Variants in SAMD5 observed in about 807,000 individuals in gnomAD.
SAMD5 encodes the protein sterile alpha motif domain containing 5, also known as sterile alpha motif domain-containing protein 5.
SAMD5 carries 13 observed loss-of-function variants against 11.3 expected under a neutral mutation model. That is an observed-to-expected ratio of 1.15 (90% CI 0.75 to 1.83). The LOEUF (loss-of-function observed/expected upper bound fraction) is 1.83, where lower values mean the gene tolerates loss of function less well. Ranked by LOEUF, SAMD5 falls within the 40% of genes most tolerant of loss-of-function variation. The pLI is 0.00. For missense variants in SAMD5, 255 were observed against 239.1 expected, an observed-to-expected ratio of 1.07 and a Z score of -0.44; for synonymous variants, 129 against 111.3, an observed-to-expected ratio of 1.16 and a Z score of -1.00.
intron 1 of SAMD5, among the ~76,000 whole-genome samples, chr6:147,694,574 T>C (rs1791149192): frequency 6.6e-6 from 1 of 151,918 alleles, no homozygotes; most frequent in African/African-American, 2.4e-5. Flanking sequence ...AATTCAACTT[T>C]GGGAGGCCAA....
At chr6:147,778,139 T>C in the SAMD5 span, among the ~76,000 whole-genome samples, 1 of 152,172 alleles carries the variant, frequency 6.6e-6, no homozygotes, top group African/African-American at 2.4e-5. Flanking sequence ...TTGTTATTTT[T>C]TTATAGTAGC....
At chr6:147,801,541 T>C in the SAMD5 span, among the ~76,000 whole-genome samples, 1 of 152,162 alleles carries the variant, frequency 6.6e-6, no homozygotes, top group Non-Finnish European at 1.5e-5. Context: ...AGGCTGCTCT[T>C]TGGGAGGACA....
chr6:147,924,373 A>G, the SAMD5 span, among the ~76,000 whole-genome samples: 1 of 152,168 alleles, frequency 6.6e-6, no homozygotes, highest in Non-Finnish European at 1.5e-5. Context: ...TATAGGGTGC[A>G]CTGAAGATAA....
the SAMD5 span, among the ~76,000 whole-genome samples, chr6:147,747,871 A>G: frequency 6.6e-6 from 1 of 152,194 alleles, no homozygotes; most frequent in East Asian, 1.9e-4. Context: ...TCATTTTCAA[A>G]TAGCTATTAA....
Position 147,524,563 on chromosome 6 carries a change from G to A in SAMD5, c.459+15176G>A, listed in dbSNP as rs114778656. On this transcript the variant is annotated intron_variant, in intron 1 of 1. Transcript: ENST00000367474. ...TGACTTCTTCTTCATTCAGCTATAT[G>A]TTAATTAGTCACAGTTATGTCTGCC... Among the ~76,000 whole-genome samples, 579 of 152,072 alleles carry A rather than the reference G, an allele frequency of 3.8e-3. 3 individuals carry two copies. The highest frequency in any genetic ancestry group is 0.013 in the African/African-American group (541 of 41,490).
intron 1 of SAMD5, among the ~76,000 whole-genome samples, chr6:147,581,027 T>A (rs1203496875): frequency 6.6e-6 from 1 of 152,172 alleles, no homozygotes; most frequent in Non-Finnish European, 1.5e-5. Flanking sequence ...TTGTCTCTTT[T>A]TCTCTTTTCT....
rs145763783 is a variant in SAMD5 at position 147,554,329 on chromosome 6, A to G, written c.460-10065A>G. 3.5e-3 allele frequency among the ~76,000 whole-genome samples: 530 copies of G among 152,280 alleles called. 3 individuals are homozygous for G. The highest frequency in any genetic ancestry group is 0.012 in the African/African-American group (509 of 41,550). ...TTTTGGGTGGGGACACAGCCAAACCATATCAACATGCAAATGTGCCTGGGA... is the reference window on the plus strand; with the variant it reads ...TTTTGGGTGGGGACACAGCCAAACCGTATCAACATGCAAATGTGCCTGGGA... On this transcript the variant is annotated intron_variant, in intron 1 of 1. Coordinates refer to ENST00000367474, the MANE Select transcript of SAMD5 (RefSeq NM_001030060.3).
At chr6:147,544,046 C>T (rs1268533783) in intron 1 of SAMD5, among the ~76,000 whole-genome samples, 1 of 152,110 alleles carries the variant, frequency 6.6e-6, no homozygotes, top group Non-Finnish European at 1.5e-5. Flanking sequence ...TAAAATACTT[C>T]CTAAGGTGGC....
At chr6:147,880,098 T>TA in the SAMD5 span, among the ~76,000 whole-genome samples, 1 of 152,200 alleles carries the variant, frequency 6.6e-6, no homozygotes, top group Admixed American at 6.5e-5. Context: ...TTAATCTTCA[T>TA]AAAAATCCTG....
the SAMD5 span, among the ~76,000 whole-genome samples, chr6:147,826,837 G>A: frequency 5.6e-4 from 86 of 152,254 alleles, 1 homozygote; most frequent in Non-Finnish European, 1.0e-3. Context: ...CATCAGGACC[G>A]TGCTCTTGTT....
chr6:147,819,532 T>TTGTCTAA, the SAMD5 span, among the ~76,000 whole-genome samples: 1 of 152,212 alleles, frequency 6.6e-6, no homozygotes, highest in South Asian at 2.1e-4. Flanking sequence ...CTGCAAGAAA[T>TTGTCTAA]ATAGACAAAA....
chr6:147,671,332 C>T (rs139112544), intron 1 of SAMD5, among the ~76,000 whole-genome samples: 6 of 152,174 alleles, frequency 3.9e-5, no homozygotes, highest in South Asian at 4.2e-4. Flanking sequence ...GGAAAAATGG[C>T]GCCATAAGAC....
the SAMD5 span, among the ~76,000 whole-genome samples, chr6:147,954,490 A>C: frequency 6.6e-6 from 1 of 152,296 alleles, no homozygotes. Context: ...TTGTGGCCTA[A>C]GTGTAAGGTG....
chr6:147,654,628 T>C (rs1031042971), intron 1 of SAMD5, among the ~76,000 whole-genome samples: 1 of 152,162 alleles, frequency 6.6e-6, no homozygotes, highest in Admixed American at 6.5e-5. Context: ...GTTTTTCTGC[T>C]CCTGCTGCCG....
chr6:147,574,323 C>A (rs1034182329), downstream of SAMD5, among the ~76,000 whole-genome samples: 3 of 152,108 alleles, frequency 2.0e-5, no homozygotes, highest in African/African-American at 4.8e-5. Context: ...ATGGGTTTTT[C>A]ATAATTTACC....
chr6:147,562,308 G>A (rs562519456), intron 1 of SAMD5, among the ~76,000 whole-genome samples: 6 of 152,326 alleles, frequency 3.9e-5, no homozygotes, highest in Admixed American at 1.3e-4. Flanking sequence ...ATGGAATCTT[G>A]CATTATAATG....
chr6:147,649,706 G>T (rs1360401732), intron 1 of SAMD5, among the ~76,000 whole-genome samples: 1 of 151,430 alleles, frequency 6.6e-6, no homozygotes, highest in Non-Finnish European at 1.5e-5. Context: ...CAAGAGAATC[G>T]CCTGAACCCA....
chr6:147,861,931 CATAA>C, the SAMD5 span, among the ~76,000 whole-genome samples: 1 of 152,150 alleles, frequency 6.6e-6, no homozygotes, highest in Non-Finnish European at 1.5e-5. Flanking sequence ...GCGCCTTGCA[CATAA>C]ATAGATACAT....
the SAMD5 span, among the ~76,000 whole-genome samples, chr6:147,861,129 A>G: frequency 6.6e-6 from 1 of 151,890 alleles, no homozygotes; most frequent in Non-Finnish European, 1.5e-5. Flanking sequence ...TGGTGCACAC[A>G]GAAAGCCCTT....
Sources: allele counts gnomAD v4.1 joint callset (sites outside exome capture counted in the v4.1 genomes callset), GRCh38; gene constraint gnomAD v4.1.1; transcripts MANE v1.5; gene names NCBI Gene and HGNC (gene_info 2026-07-23, HGNC 2026-07-21).